VPS13B: variants seen among roughly 807,000 people sequenced by gnomAD.
The protein encoded by VPS13B is vacuolar protein sorting 13 homolog B, also known as intermembrane lipid transfer protein VPS13B.
A neutral mutation model predicts 426.4 loss-of-function variants in VPS13B; 285 were observed. The observed-to-expected ratio is 0.67, with a 90% CI of 0.61 to 0.74. The LOEUF (loss-of-function observed/expected upper bound fraction) is 0.74, where lower values mean the gene tolerates loss of function less well. Ranked by LOEUF, VPS13B falls within the 30% of genes least tolerant of loss-of-function variation. The pLI, the probability that VPS13B is intolerant of heterozygous loss-of-function variation, is 0.00. For missense variants in VPS13B, 4,537 were observed against 4,782.6 expected (o/e 0.95, Z 1.51); for synonymous variants, 1,676 against 1,676.4 (o/e 1.00, Z 0.01).
chr8:99,588,387 G>C (rs1308495426), intron 33 of VPS13B, among the ~76,000 whole-genome samples: 1 of 151,704 alleles, frequency 6.6e-6, no homozygotes, highest in Non-Finnish European at 1.5e-5. Flanking sequence ...GGATGTCATT[G>C]AATCTACAAA....
intron 19 of VPS13B, 111 bp downstream of exon 19, chr8:99,275,365 T>A: frequency 9.6e-7 from 1 of 1,045,254 alleles, no homozygotes; most frequent in Non-Finnish European, 1.4e-6. Flanking sequence ...TTTTGTCAAT[T>A]GGCTTACTCT....
At chr8:99,518,286 C>T (rs1026887205) in intron 29 of VPS13B, among the ~76,000 whole-genome samples, 86 of 152,024 alleles carry the variant, frequency 5.7e-4, no homozygotes, top group African/African-American at 2.1e-3. Flanking sequence ...AGGCTTACTA[C>T]GTAATTGAGG....
chr8:99,098,518 T>G (rs930185292), intron 4 of VPS13B, among the ~76,000 whole-genome samples: 11 of 152,172 alleles, frequency 7.2e-5, no homozygotes, highest in African/African-American at 2.7e-4. Flanking sequence ...TAACCAGTCC[T>G]TTTTTTGGTT....
At chr8:99,714,844 G>A (rs1395699042) in intron 36 of VPS13B, among the ~76,000 whole-genome samples, 1 of 152,148 alleles carries the variant, frequency 6.6e-6, no homozygotes, top group Non-Finnish European at 1.5e-5. Context: ...AGAATATTAA[G>A]AAGCTTTGAT....
Position 99,819,951 on chromosome 8 carries a change from A to G in VPS13B, c.8823A>G (p.Pro2941=), listed in dbSNP as rs1347062421. Residue 2941 remains proline (P), a synonymous_variant, in exon 49 of 62, where the codon CCA becomes CCG. Coordinates refer to ENST00000357162, the MANE Select transcript of VPS13B (RefSeq NM_152564.5). ...AACAGCTAAGTCAGTGGGATAGCCC[A>G]ATGCGAGTGAAGCTGTCAATCTGGA... ...RNEQLSQWDS[P]MRVKLSIWKP... 1 of 1,614,022 alleles carries G rather than the reference A, an allele frequency of 6.2e-7. No individual in the cohort carries two copies. Among genetic ancestry groups the G allele is most frequent in the South Asian group, 1.1e-5 (1 of 91,076 alleles).
chr8:99,398,515 A>T (rs1814862141), intron 21 of VPS13B, among the ~76,000 whole-genome samples: 1 of 152,220 alleles, frequency 6.6e-6, no homozygotes, highest in South Asian at 2.1e-4. Context: ...AAGGAGGGAC[A>T]ACCTATGTAC....
intron 19 of VPS13B, among the ~76,000 whole-genome samples, chr8:99,302,271 A>G (rs926026791): frequency 1.3e-5 from 2 of 152,228 alleles, no homozygotes; most frequent in African/African-American, 2.4e-5. Context: ...AGTGATAACT[A>G]TAAATATTTC....
At chr8:99,326,455 T>A (rs1306990508) in intron 19 of VPS13B, among the ~76,000 whole-genome samples, 2 of 83,452 alleles carry the variant, frequency 2.4e-5, no homozygotes, top group Admixed American at 2.2e-4. Flanking sequence ...TAGGTAGCTT[T>A]TTTTTTTTTT....
At chr8:99,842,481 G>A (rs1220566758) in intron 54 of VPS13B, among the ~76,000 whole-genome samples, 1 of 151,878 alleles carries the variant, frequency 6.6e-6, no homozygotes, top group Non-Finnish European at 1.5e-5. Context: ...CAAGCGTGGT[G>A]GTGCACACCT....
intron 30 of VPS13B, among the ~76,000 whole-genome samples, chr8:99,538,325 A>T (rs1341309947): frequency 1.3e-5 from 2 of 152,178 alleles, no homozygotes; most frequent in Non-Finnish European, 2.9e-5. Flanking sequence ...TTAAATATTT[A>T]TTCAGTTTAA....
At chr8:99,839,338 C>T (rs1432396624) in intron 54 of VPS13B, among the ~76,000 whole-genome samples, 1 of 152,166 alleles carries the variant, frequency 6.6e-6, no homozygotes, top group Non-Finnish European at 1.5e-5. Flanking sequence ...TTTTCACAGG[C>T]ACAGTCTCCA....
intron 33 of VPS13B, among the ~76,000 whole-genome samples, chr8:99,617,096 CA>C (rs1351891710): frequency 6.6e-6 from 1 of 152,092 alleles, no homozygotes; most frequent in East Asian, 1.9e-4. Flanking sequence ...AATATCAGCA[CA>C]GATACACATA....
At chr8:99,440,868 T>G (rs757487537) in intron 22 of VPS13B, among the ~76,000 whole-genome samples, 6 of 152,084 alleles carry the variant, frequency 3.9e-5, no homozygotes, top group Non-Finnish European at 8.8e-5. Context: ...AATACCTACA[T>G]GAAGTGTTAA....
chr8:99,248,040 G>T (rs1412866370), intron 17 of VPS13B, among the ~76,000 whole-genome samples: 1 of 152,088 alleles, frequency 6.6e-6, no homozygotes. Flanking sequence ...TTTATATGAG[G>T]CTTTAAAGTA....
chr8:99,687,401 A>G (rs1831460157), intron 35 of VPS13B, among the ~76,000 whole-genome samples: 1 of 152,020 alleles, frequency 6.6e-6, no homozygotes, highest in Admixed American at 6.5e-5. Context: ...GCACAGAACC[A>G]GGACTTAACC....
chr8:99,645,741 A>G (rs893463712), intron 34 of VPS13B, among the ~76,000 whole-genome samples: 1 of 152,208 alleles, frequency 6.6e-6, no homozygotes, highest in Non-Finnish European at 1.5e-5. Flanking sequence ...TTTTAAATAT[A>G]TAAGTTTTAT....
intron 33 of VPS13B, among the ~76,000 whole-genome samples, chr8:99,614,978 G>A (rs918341879): frequency 6.6e-6 from 1 of 151,950 alleles, no homozygotes; most frequent in Non-Finnish European, 1.5e-5. Flanking sequence ...TTAGCCAGGC[G>A]TGGCGGCACA....
intron 15 of VPS13B, among the ~76,000 whole-genome samples, chr8:99,168,503 A>G (rs2132659260): frequency 6.6e-6 from 1 of 152,256 alleles, no homozygotes; most frequent in African/African-American, 2.4e-5. Context: ...AATATTTGGC[A>G]GTTGGATATT....
At chr8:99,028,341 G>T (rs1394559897) in intron 2 of VPS13B, among the ~76,000 whole-genome samples, 1 of 151,182 alleles carries the variant, frequency 6.6e-6, no homozygotes, top group Non-Finnish European at 1.5e-5. Context: ...CGGGCAGGGG[G>T]CTGACCCCCC....
Sources: gnomAD v4.1 joint callset for allele counts (sites outside exome capture counted in the v4.1 genomes callset) on GRCh38, gnomAD v4.1.1 for gene constraint, MANE v1.5 for transcripts, NCBI Gene and HGNC (gene_info 2026-07-23, HGNC 2026-07-21) for gene names.